The following FAM117B variants were observed in gnomAD, a reference collection of about 807,000 sequenced individuals.
FAM117B encodes the protein protein FAM117B.
In FAM117B, 22 loss-of-function variants were observed where a neutral mutation model predicts 52.8. The observed-to-expected ratio is 0.42, with a 90% CI of 0.30 to 0.59. FAM117B has a LOEUF of 0.59. Ranked by LOEUF, FAM117B falls within the 20% of genes least tolerant of loss-of-function variation. The pLI, the probability that FAM117B is intolerant of heterozygous loss-of-function variation, is 0.22. For missense variants in FAM117B, 678 were observed against 802.6 expected (o/e 0.84, Z 1.88); for synonymous variants, 309 against 324.1 (o/e 0.95, Z 0.50).
chr2:202,739,051 T>C (rs1691483715), intron 4 of FAM117B, among the ~76,000 whole-genome samples: 1 of 152,146 alleles, frequency 6.6e-6, no homozygotes, highest in Admixed American at 6.5e-5. Flanking sequence ...TAGCCAGGCA[T>C]GTTAGCACAT....
At position 202,635,451 on chromosome 2, in the gene FAM117B, C is replaced by T; in HGVS notation, c.264C>T (p.Ala88=). The change falls in exon 1 of 8, where the codon GCC becomes GCT. Residue 88 remains alanine, a synonymous_variant. Transcript: ENST00000392238. ...GCGGCGGCGGTGGCCCGCGCACCGC[C>T]TCGCGCAGCACCAGCCCCACGCGCG... is the stretch of plus-strand genomic sequence containing the variant. ...GGGGGGGPRT[A]SRSTSPTRGG... The T allele has an allele frequency of 1.0e-5, 12 of 1,175,098 alleles. No homozygotes were observed. Among genetic ancestry groups the T allele is most frequent in the Non-Finnish European group, 1.3e-5 (12 of 954,056 alleles). 72.8% of individuals were successfully genotyped at this position (1,175,098 alleles called of 1,614,324 possible).
intron 2 of FAM117B, among the ~76,000 whole-genome samples, chr2:202,724,599 A>G (rs1370815810): frequency 1.3e-5 from 2 of 152,168 alleles, no homozygotes; most frequent in East Asian, 3.8e-4. Context: ...ATTAGCTATT[A>G]TATGTTAGTT....
chr2:202,727,580 T>G (rs1215016471), intron 4 of FAM117B, among the ~76,000 whole-genome samples: 1 of 152,136 alleles, frequency 6.6e-6, no homozygotes, highest in Non-Finnish European at 1.5e-5. Flanking sequence ...TACATAGTAT[T>G]TACATTGTAT....
Position 202,766,102 on chromosome 2 carries a change from A to C in FAM117B, c.*338A>C, listed in dbSNP as rs7571635. 3,816 of 191,700 alleles carry C rather than the reference A, an allele frequency of 0.02. 42 individuals carry two copies. Among genetic ancestry groups the C allele is most frequent in the Non-Finnish European group, 0.026 (2,461 of 93,850 alleles). The allele number at this position is 191,700 out of a possible 1,614,324, so 11.9% of individuals were successfully genotyped here. On this transcript the variant is annotated 3_prime_UTR_variant, in exon 8 of 8. Transcript: ENST00000392238. ...CACACACACACACACACACACACAC[A>C]CACACCCCTGATCCTTGCCAACATG...
intron 2 of FAM117B, among the ~76,000 whole-genome samples, chr2:202,717,568 T>C (rs891868738): frequency 1.3e-5 from 2 of 152,190 alleles, no homozygotes; most frequent in Non-Finnish European, 2.9e-5. Context: ...GTTGTAGATA[T>C]ACTGCCTTGA....
Position 202,715,495 on chromosome 2 carries a change from C to T in FAM117B, c.754-9422C>T, listed in dbSNP as rs191642668. ...TCACGTCCCAGACAGGGTGGCGGGGCAGAGGCGCTCCCCACATCTCAGACG... is the reference window on the plus strand; with the variant it reads ...TCACGTCCCAGACAGGGTGGCGGGGTAGAGGCGCTCCCCACATCTCAGACG... On this transcript the variant is annotated intron_variant, in intron 2 of 7. Coordinates refer to ENST00000392238, the MANE Select transcript of FAM117B (RefSeq NM_173511.4). Among the ~76,000 whole-genome samples, 434 of 150,196 alleles carry T rather than the reference C, an allele frequency of 2.9e-3. 1 individual carries two copies. The highest frequency in any genetic ancestry group is 4.7e-3 in the Non-Finnish European group (316 of 67,606).
chr2:202,674,027 C>A (rs887011103), intron 1 of FAM117B, among the ~76,000 whole-genome samples: 2 of 150,194 alleles, frequency 1.3e-5, no homozygotes, highest in Non-Finnish European at 1.5e-5. Context: ...CTCCCTGCAC[C>A]CCCCCCACCT....
At chr2:202,752,416 C>CTT (rs57518801) in intron 4 of FAM117B, among the ~76,000 whole-genome samples, 139 of 136,722 alleles carry the variant, frequency 1.0e-3, no homozygotes, top group South Asian at 1.4e-3. Flanking sequence ...TATGCTTTTT[C>CTT]TTTTTTTTTT....
chr2:202,643,797 C>A (rs887483051), intron 1 of FAM117B, among the ~76,000 whole-genome samples: 2 of 152,056 alleles, frequency 1.3e-5, no homozygotes, highest in Admixed American at 1.3e-4. Flanking sequence ...GCAACCTCTG[C>A]CTCTTGGGTT....
intron 1 of FAM117B, among the ~76,000 whole-genome samples, chr2:202,651,060 CT>C (rs138809054): frequency 0.53 from 65,907 of 124,124 alleles, 17,127 homozygotes; most frequent in Middle Eastern, 0.64. Context: ...ATTTGCCATT[CT>C]TTTTTTTTTT....
At chr2:202,735,192 C>G (rs999378899) in intron 4 of FAM117B, among the ~76,000 whole-genome samples, 1 of 152,036 alleles carries the variant, frequency 6.6e-6, no homozygotes, top group East Asian at 1.9e-4. Context: ...TGTGTGTGGA[C>G]TTAAAGCTTT....
intron 1 of FAM117B, among the ~76,000 whole-genome samples, chr2:202,688,029 C>T (rs916256392): frequency 2.0e-5 from 3 of 151,792 alleles, no homozygotes; most frequent in South Asian, 2.1e-4. Flanking sequence ...CTAAATTTTC[C>T]CTTAGATTAT....
At chr2:202,641,258 C>T (rs1689765165) in intron 1 of FAM117B, among the ~76,000 whole-genome samples, 2 of 152,306 alleles carry the variant, frequency 1.3e-5, no homozygotes, top group South Asian at 4.1e-4. Context: ...CAGAACTTTG[C>T]AGTTGGATCT....
intron 1 of FAM117B, among the ~76,000 whole-genome samples, chr2:202,664,204 C>CATTT (rs1262214882): frequency 6.6e-6 from 1 of 152,172 alleles, no homozygotes; most frequent in African/African-American, 2.4e-5. Flanking sequence ...GATTTGAGTA[C>CATTT]ATTTAATTAG....
chr2:202,669,123 T>C (rs1412646270), intron 1 of FAM117B, among the ~76,000 whole-genome samples: 1 of 152,024 alleles, frequency 6.6e-6, no homozygotes, highest in African/African-American at 2.4e-5. Flanking sequence ...ATAGACAGAG[T>C]GATCTGGAAT....
intron 7 of FAM117B, 99 bp from the exon 8 acceptor site, chr2:202,765,347 G>A: frequency 5.0e-6 from 6 of 1,203,366 alleles, no homozygotes; most frequent in Non-Finnish European, 5.8e-6. Flanking sequence ...TAAGTTAACT[G>A]TTTTTAAAAA....
intron 1 of FAM117B, among the ~76,000 whole-genome samples, chr2:202,691,703 G>GCC (rs1392252687): frequency 7.3e-5 from 11 of 150,496 alleles, no homozygotes; most frequent in African/African-American, 1.2e-4. Flanking sequence ...GTGTGTGCGC[G>GCC]CGCGCCTCCC....
chr2:202,765,943 C>T lies in FAM117B; in HGVS notation c.*179C>T. On this transcript the variant is annotated 3_prime_UTR_variant, in exon 8 of 8. Transcript: ENST00000392238. The stretch of plus-strand genomic sequence containing the variant: ...GACGGCTCTGCCCCACTTGTGAACG[C>T]CAACCCTCAGTGCTTAGCCTGCTTT... The T allele has an allele frequency of 1.6e-6, 1 of 633,162 alleles. No individual in the cohort carries two copies. Among genetic ancestry groups the T allele is most frequent in the South Asian group, 2.0e-5 (1 of 49,640 alleles). 39.2% of individuals were successfully genotyped at this position (633,162 alleles called of 1,614,324 possible). A position where few individuals can be genotyped will look rare whatever the true frequency, so the allele number is the denominator to read the frequency against.
intron 1 of FAM117B, among the ~76,000 whole-genome samples, chr2:202,655,850 A>G (rs1159095985): frequency 1.3e-5 from 2 of 151,908 alleles, no homozygotes. Context: ...TTGATCTGTA[A>G]GACAGTGAAC....
Sources: allele counts gnomAD v4.1 joint callset (sites outside exome capture counted in the v4.1 genomes callset), GRCh38; gene constraint gnomAD v4.1.1; transcripts MANE v1.5; gene names NCBI Gene and HGNC (gene_info 2026-07-23, HGNC 2026-07-21).